TPST2: variants seen among roughly 807,000 people sequenced by gnomAD.
The protein encoded by TPST2 is protein-tyrosine sulfotransferase 2.
A neutral mutation model predicts 27.8 loss-of-function variants in TPST2; 16 were observed. The observed-to-expected ratio is 0.58, with a 90% CI of 0.39 to 0.88. TPST2 has a LOEUF of 0.88. Ranked by LOEUF, TPST2 falls within the 40% of genes least tolerant of loss-of-function variation. The pLI is 0.00. For missense variants in TPST2, 464 were observed against 543.1 expected (o/e 0.85, Z 1.45); for synonymous variants, 229 against 231.7 (o/e 0.99, Z 0.10).
At chr22:26,528,117 G>C (rs1196739795) in intron 6 of TPST2, 97 bp downstream of exon 6, 8 of 1,430,180 alleles carry the variant, frequency 5.6e-6, no homozygotes, top group South Asian at 1.2e-5. Flanking sequence ...GTCTACCCCA[G>C]GGAGGCTCTG....
At chr22:26,551,883 C>CT (rs1163793644) in intron 1 of TPST2, among the ~76,000 whole-genome samples, 850 of 66,356 alleles carry the variant, frequency 0.013, 8 homozygotes, top group South Asian at 0.043. Context: ...TTTTCTTTTT[C>CT]TTTTTTTTTT....
At position 26,541,895 on chromosome 22, in the gene TPST2, G is replaced by T. The variant is rs1220798971; in HGVS notation, c.-88-177C>A. Among the ~76,000 whole-genome samples the T allele has an allele frequency of 1.3e-5, 2 of 151,890 alleles. No homozygotes were observed. Among genetic ancestry groups the T allele is most frequent in the African/African-American group, 4.8e-5 (2 of 41,336 alleles). Reference sequence around the variant, plus strand: ...CTGGGCACTTTTTTCAATTTTTTTTGTTTTTTTAAAGAGATGGGGTCTCAC... The same window carrying T: ...CTGGGCACTTTTTTCAATTTTTTTTTTTTTTTTAAAGAGATGGGGTCTCAC... On this transcript the variant is annotated intron_variant, in intron 2 of 6. Transcript: ENST00000338754. This position sits in a 1 kb window ranked among gnomAD's most constrained non-coding sequence, Gnocchi z 5.9.
intron 3 of TPST2, among the ~76,000 whole-genome samples, chr22:26,539,847 G>A (rs544731992): frequency 6.6e-6 from 1 of 152,342 alleles, no homozygotes; most frequent in African/African-American, 2.4e-5. Flanking sequence ...TTTGTTAGCT[G>A]TGTAGCCTGA....
intron 1 of TPST2, among the ~76,000 whole-genome samples, chr22:26,578,772 T>A (rs73880130): frequency 0.02 from 3,018 of 152,050 alleles, 93 homozygotes; most frequent in African/African-American, 0.069. Flanking sequence ...ATTTGCATGA[T>A]CCAGAACAAG....
chr22:26,577,553 G>C (rs1003200114), intron 1 of TPST2, among the ~76,000 whole-genome samples: 4 of 150,900 alleles, frequency 2.7e-5, no homozygotes, highest in Non-Finnish European at 5.9e-5. Context: ...GTTTCACCGT[G>C]TTAGCCAGGA....
intron 1 of TPST2, among the ~76,000 whole-genome samples, chr22:26,582,424 T>C (rs1928152547): frequency 1.3e-5 from 2 of 151,994 alleles, no homozygotes; most frequent in African/African-American, 4.8e-5. Context: ...CGAAACTCCA[T>C]CTAAACAGAA....
At chr22:26,539,649 G>T (rs1208921169) in intron 3 of TPST2, among the ~76,000 whole-genome samples, 1 of 151,860 alleles carries the variant, frequency 6.6e-6, no homozygotes, top group East Asian at 1.9e-4. Context: ...CTCGCCTGTA[G>T]TCCCAACTAC....
chr22:26,566,548 T>C (rs1273093122), intron 1 of TPST2, among the ~76,000 whole-genome samples: 1 of 147,372 alleles, frequency 6.8e-6, no homozygotes, highest in Non-Finnish European at 1.5e-5. Flanking sequence ...CAAGACTCTG[T>C]CTCAAAAAAA....
chr22:26,571,969 C>A (rs1927645661), intron 1 of TPST2, among the ~76,000 whole-genome samples: 1 of 152,174 alleles, frequency 6.6e-6, no homozygotes, highest in Non-Finnish European at 1.5e-5. Context: ...TGGCATGTCA[C>A]CCCCGCCTTC....
At chr22:26,571,100 T>C (rs939680599) in intron 1 of TPST2, among the ~76,000 whole-genome samples, 2 of 152,166 alleles carry the variant, frequency 1.3e-5, no homozygotes, top group African/African-American at 4.8e-5. Context: ...GCTCCCACTT[T>C]ACTCAGGAAA....
intron 1 of TPST2, among the ~76,000 whole-genome samples, chr22:26,547,834 T>C (rs1460192496): frequency 2.0e-5 from 3 of 152,264 alleles, no homozygotes; most frequent in African/African-American, 7.2e-5. Flanking sequence ...ACAAAAAACA[T>C]TGCTACCAGG....
chr22:26,555,095 A>T, intron 1 of TPST2: 1 of 522,198 alleles, frequency 1.9e-6, no homozygotes, highest in Non-Finnish European at 3.8e-6. Context: ...AAATATTCTG[A>T]TTTGGAAGAG....
At chr22:26,550,632 G>A (rs1926417427) in intron 1 of TPST2, 1 of 985,696 alleles carries the variant, frequency 1.0e-6, no homozygotes, top group Non-Finnish European at 1.2e-6. Flanking sequence ...ACGTGCTCAG[G>A]CTCAGCCATC....
intron 4 of TPST2, chr22:26,535,920 T>C: frequency 2.7e-6 from 1 of 370,302 alleles, no homozygotes; most frequent in East Asian, 6.9e-5. Flanking sequence ...ACCAATAGTT[T>C]ATTTATTTAT....
rs899218404 is a variant in TPST2, at chr22:26,527,481, G to A, written c.*7+733C>T. On this transcript the variant is annotated intron_variant, in intron 6 of 6. Coordinates refer to ENST00000338754, the MANE Select transcript of TPST2 (RefSeq NM_003595.5). Reference sequence around the variant, plus strand: ...TCTCCAGATGAAGAAAACAGGGGCTGAAGGGAGTTAAACCTGGAGATCTTA... The same window carrying A: ...TCTCCAGATGAAGAAAACAGGGGCTAAAGGGAGTTAAACCTGGAGATCTTA... Among the ~76,000 whole-genome samples, 55 of 152,294 alleles carry A rather than the reference G, an allele frequency of 3.6e-4. 1 individual carries two copies. Among genetic ancestry groups the A allele is most frequent in the Admixed American group, 1.3e-4 (2 of 15,296 alleles).
chr22:26,570,221 ACT>A (rs1927578665), intron 1 of TPST2, among the ~76,000 whole-genome samples: 1 of 151,250 alleles, frequency 6.6e-6, no homozygotes, highest in Non-Finnish European at 1.5e-5. Context: ...AACACACAAG[ACT>A]CTTTGCATTC....
At chr22:26,554,322 A>G (rs1926660055) in intron 1 of TPST2, among the ~76,000 whole-genome samples, 1 of 152,166 alleles carries the variant, frequency 6.6e-6, no homozygotes, top group Non-Finnish European at 1.5e-5. Context: ...GACACCTGGC[A>G]CAGCCCCTGC....
chr22:26,542,240 T>TAA (rs537567197), intron 2 of TPST2, among the ~76,000 whole-genome samples: 2,636 of 115,864 alleles, frequency 0.023, 68 homozygotes, highest in African/African-American at 0.064. Context: ...AGACTCCGTC[T>TAA]AAAAAAAAAA....
At chr22:26,551,891 T>C (rs865968841) in intron 1 of TPST2, among the ~76,000 whole-genome samples, 10 of 138,936 alleles carry the variant, frequency 7.2e-5, no homozygotes, top group African/African-American at 1.4e-4. Flanking sequence ...TTCTTTTTTT[T>C]TTTTTTTTTT....
Sources: gnomAD v4.1 joint callset for allele counts (sites outside exome capture counted in the v4.1 genomes callset) on GRCh38, gnomAD v4.1.1 for gene constraint, Gnocchi (gnomAD v3.1) non-coding constraint, MANE v1.5 for transcripts, NCBI Gene and HGNC (gene_info 2026-07-23, HGNC 2026-07-21) for gene names.